The following PHKB variants were observed in gnomAD, a reference collection of about 807,000 sequenced individuals.
The protein encoded by PHKB is phosphorylase b kinase regulatory subunit beta.
Under a neutral mutation model 152.1 loss-of-function variants are expected in PHKB, and 122 were observed. That is an observed-to-expected ratio of 0.80 (90% confidence interval 0.69 to 0.93). The LOEUF is 0.93. Ranked by LOEUF, PHKB falls within the 40% of genes least tolerant of loss-of-function variation. PHKB has a pLI of 0.00. For synonymous variants in PHKB, 436 were observed against 464.9 expected (o/e 0.94, Z 0.80); for missense variants, 1,304 against 1,328.4 (o/e 0.98, Z 0.29).
At chr16:47,612,848 G>A (rs1281799539) in intron 14 of PHKB, among the ~76,000 whole-genome samples, 1 of 152,166 alleles carries the variant, frequency 6.6e-6, no homozygotes, top group East Asian at 1.9e-4. Context: ...GCAAGACCTG[G>A]CATGCCCATG....
chr16:47,620,006 G>A (rs937995342), intron 14 of PHKB, among the ~76,000 whole-genome samples: 1 of 152,098 alleles, frequency 6.6e-6, no homozygotes, highest in Admixed American at 6.6e-5. Context: ...TGGTTAAATA[G>A]GAAAATACAC....
intron 16 of PHKB, among the ~76,000 whole-genome samples, chr16:47,643,331 G>T (rs1973058713): frequency 6.6e-6 from 1 of 152,200 alleles, no homozygotes; most frequent in South Asian, 2.1e-4. Flanking sequence ...AAAAAACAGT[G>T]AATTACAGTT....
chr16:47,506,225 G>A (rs1970416480), intron 4 of PHKB, among the ~76,000 whole-genome samples: 1 of 151,028 alleles, frequency 6.6e-6, no homozygotes, highest in South Asian at 2.1e-4. Flanking sequence ...AATAAAAAGA[G>A]TGATAACAAG....
intron 13 of PHKB, chr16:47,598,905 G>A (rs878937189): frequency 8.5e-5 from 136 of 1,595,464 alleles, no homozygotes; most frequent in African/African-American, 2.7e-4. Flanking sequence ...CCTCAAGAAC[G>A]TCAAGAATCT....
chr16:47,647,510 T>G lies in PHKB; in HGVS notation c.1609-1023T>G, dbSNP rs1973152907. On this transcript the variant is annotated intron_variant, in intron 16 of 30. Coordinates refer to ENST00000323584, the MANE Select transcript of PHKB (RefSeq NM_000293.3). Reference sequence around the variant, plus strand: ...AGACTCATTTTAACATCTTTTTTTTTTTTTTGAGACGGAGTCTCGCTCTGT... The same window carrying G: ...AGACTCATTTTAACATCTTTTTTTTGTTTTTGAGACGGAGTCTCGCTCTGT... Among the ~76,000 whole-genome samples the G allele has an allele frequency of 3.9e-5, 6 of 152,056 alleles. No individual in the cohort carries two copies. In the South Asian group the frequency reaches 1.2e-3, roughly 31 times the overall value.
intron 14 of PHKB, among the ~76,000 whole-genome samples, chr16:47,630,444 T>A (rs971549339): frequency 2.0e-5 from 3 of 151,230 alleles, no homozygotes; most frequent in Non-Finnish European, 2.9e-5. Flanking sequence ...ATTTCGCTGC[T>A]GCACTCCAGC....
intron 1 of PHKB, among the ~76,000 whole-genome samples, chr16:47,465,654 A>G (rs1969655459): frequency 6.6e-6 from 1 of 152,232 alleles, no homozygotes; most frequent in South Asian, 2.1e-4. Flanking sequence ...ATCTGTTAAA[A>G]TAATAAGTAC....
intron 14 of PHKB, among the ~76,000 whole-genome samples, chr16:47,616,220 T>C (rs1229652404): frequency 6.6e-6 from 1 of 152,068 alleles, no homozygotes; most frequent in Non-Finnish European, 1.5e-5. Context: ...CTTGTGCTTA[T>C]GGTGTCATGT....
chr16:47,674,369 A>G (rs1042857413), intron 26 of PHKB, among the ~76,000 whole-genome samples: 4 of 152,208 alleles, frequency 2.6e-5, no homozygotes, highest in Non-Finnish European at 4.4e-5. Flanking sequence ...TGCAAAAGTA[A>G]TCGTGGTTTT....
rs574621506 is a variant in PHKB at position 47,522,919 on chromosome 16, A to G, written c.594+7318A>G. Among the ~76,000 whole-genome samples the G allele has an allele frequency of 2.0e-4, 30 of 148,490 alleles. No homozygotes were observed. In the South Asian group the frequency reaches 6.1e-3, roughly 30 times the overall value. On this transcript the variant is annotated intron_variant, in intron 6 of 30. Coordinates refer to ENST00000323584, the MANE Select transcript of PHKB (RefSeq NM_000293.3). The stretch of plus-strand genomic sequence containing the variant: ...AACATCCTTGGTATGATCTCTGTAC[A>G]TTATTGAACATGGTTATTCACATTA...
At chr16:47,470,464 T>C (rs995470919) in intron 1 of PHKB, among the ~76,000 whole-genome samples, 5 of 152,240 alleles carry the variant, frequency 3.3e-5, no homozygotes. Flanking sequence ...AACCCACAAC[T>C]TTCCAGAGTG....
intron 14 of PHKB, among the ~76,000 whole-genome samples, chr16:47,618,356 A>G (rs574259853): frequency 6.6e-6 from 1 of 152,172 alleles, no homozygotes; most frequent in Non-Finnish European, 1.5e-5. Flanking sequence ...AACTGAGAGC[A>G]TATGTGCACT....
chr16:47,512,484 G>T (rs950708442), intron 5 of PHKB, among the ~76,000 whole-genome samples: 3 of 152,160 alleles, frequency 2.0e-5, no homozygotes, highest in Non-Finnish European at 4.4e-5. Context: ...GTTCACAGTG[G>T]TGTCATAGCA....
At chr16:47,480,637 A>AT (rs1044573976) in intron 1 of PHKB, among the ~76,000 whole-genome samples, 2 of 152,176 alleles carry the variant, frequency 1.3e-5, no homozygotes, top group African/African-American at 2.4e-5. Flanking sequence ...GTTTAGTTTC[A>AT]TTTGCTGTAG....
intron 26 of PHKB, among the ~76,000 whole-genome samples, chr16:47,671,851 G>A (rs1207129137): frequency 6.6e-6 from 1 of 152,088 alleles, no homozygotes; most frequent in Non-Finnish European, 1.5e-5. Context: ...AAAATGCTGT[G>A]CTACCTACAG....
chr16:47,507,114 C>T (rs1315031377), intron 4 of PHKB, among the ~76,000 whole-genome samples: 1 of 152,126 alleles, frequency 6.6e-6, no homozygotes, highest in Non-Finnish European at 1.5e-5. Flanking sequence ...GCTGGGGCTA[C>T]AGGCATGCAC....
chr16:47,568,773 G>T (rs556989899), intron 7 of PHKB, among the ~76,000 whole-genome samples: 2 of 151,984 alleles, frequency 1.3e-5, no homozygotes, highest in Non-Finnish European at 2.9e-5. Context: ...TGATTATATT[G>T]TTGACTCAAA....
intron 7 of PHKB, among the ~76,000 whole-genome samples, chr16:47,569,999 A>T (rs79751592): frequency 6.6e-6 from 1 of 152,212 alleles, no homozygotes; most frequent in Non-Finnish European, 1.5e-5. Flanking sequence ...GGATTCCCTC[A>T]GCATTTGCTT....
At chr16:47,615,845 A>AT (rs1274220514) in intron 14 of PHKB, among the ~76,000 whole-genome samples, 1 of 152,180 alleles carries the variant, frequency 6.6e-6, no homozygotes, top group African/African-American at 2.4e-5. Flanking sequence ...CTTCAGAGTA[A>AT]TTTTTTAAAC....
Sources: allele counts gnomAD v4.1 joint callset (sites outside exome capture counted in the v4.1 genomes callset), GRCh38; gene constraint gnomAD v4.1.1; transcripts MANE v1.5; gene names NCBI Gene and HGNC (gene_info 2026-07-23, HGNC 2026-07-21).